The following IFIH1 variants were observed in gnomAD, a reference collection of about 807,000 sequenced individuals.
IFIH1 encodes the protein interferon-induced helicase C domain-containing protein 1.
IFIH1 carries 125 observed loss-of-function variants against 107.4 expected under a neutral mutation model. The observed-to-expected ratio is 1.16, with a 90% CI of 1.01 to 1.35. The LOEUF (loss-of-function observed/expected upper bound fraction) is 1.35. IFIH1 is among the 40% of genes most tolerant of loss of function. The probability of loss-of-function intolerance (pLI) is 0.00; values close to 1 mark genes in which losing one functional copy is unlikely to be tolerated. For missense variants in IFIH1, 1,333 were observed against 1,213.7 expected (o/e 1.10, Z -1.46); for synonymous variants, 458 against 413.2 (o/e 1.11, Z -1.31).
At chr2:162,270,686 C>T (rs908156825) in intron 13 of IFIH1, among the ~76,000 whole-genome samples, 5 of 151,996 alleles carry the variant, frequency 3.3e-5, no homozygotes, top group African/African-American at 1.2e-4. Flanking sequence ...AGTGTTGACC[C>T]CCAAAAAACT....
Position 162,280,034 on chromosome 2 carries a change from G to A in IFIH1, c.1603C>T (p.Pro535Ser), listed in dbSNP as rs764183171. 1.9e-6 allele frequency: 3 copies of A among 1,610,508 alleles called. No individual in the cohort carries two copies. The highest frequency in any genetic ancestry group is 2.5e-6 in the Non-Finnish European group (3 of 1,177,292). Residue 535 changes from proline (P) to serine (S), a missense_variant, in exon 8 of 16, where the codon CCA (proline) becomes TCA (serine). By Grantham distance (74) the Pro-to-Ser change is moderately conservative. Transcript: ENST00000649979. ...TCTGCAATGGCAAACTTCTTGCATG[G>A]CTCCTGTATTTGGTTTTTCAGTTGA... Reference protein sequence around the residue: ...LDQLKNQIQEPCKKFAIADAT... With the variant: ...LDQLKNQIQESCKKFAIADAT...
intron 3 of IFIH1, among the ~76,000 whole-genome samples, chr2:162,294,440 T>A (rs1683049729): frequency 6.6e-6 from 1 of 151,890 alleles, no homozygotes; most frequent in Admixed American, 6.6e-5. Context: ...CACAACCTCA[T>A]CCTCAAGCAC....
At chr2:162,300,108 T>C (rs1173728059) in intron 3 of IFIH1, among the ~76,000 whole-genome samples, 1 of 152,206 alleles carries the variant, frequency 6.6e-6, no homozygotes, top group Non-Finnish European at 1.5e-5. Flanking sequence ...ACAGTTTCTT[T>C]GTGGAGGCAT....
At chr2:162,312,766 G>A (rs1683403017) in intron 1 of IFIH1, among the ~76,000 whole-genome samples, 2 of 152,020 alleles carry the variant, frequency 1.3e-5, no homozygotes, top group Admixed American at 1.3e-4. Context: ...AATTTAACAA[G>A]TAATTGCTAT....
At chr2:162,279,939 A>G in intron 8 of IFIH1, 57 bp downstream of exon 8, 1 of 934,436 alleles carries the variant, frequency 1.1e-6, no homozygotes, top group Admixed American at 1.8e-5. Context: ...AGCCTTTGCC[A>G]TCTTTCTACT....
At chr2:162,283,901 C>A (rs887291954) in intron 5 of IFIH1, among the ~76,000 whole-genome samples, 1 of 151,402 alleles carries the variant, frequency 6.6e-6, no homozygotes, top group Non-Finnish European at 1.5e-5. Context: ...AATCAGTAAT[C>A]AAGTTGGTGA....
intron 3 of IFIH1, among the ~76,000 whole-genome samples, chr2:162,296,333 A>G (rs1683084543): frequency 6.6e-6 from 1 of 152,114 alleles, no homozygotes; most frequent in African/African-American, 2.4e-5. Flanking sequence ...TAACAAACCA[A>G]TCACCAATGT....
intron 5 of IFIH1, among the ~76,000 whole-genome samples, chr2:162,285,193 T>G (rs572369203): frequency 6.6e-6 from 1 of 151,946 alleles, no homozygotes; most frequent in Non-Finnish European, 1.5e-5. Context: ...TGGGGCTGCA[T>G]TGCAGCATCT....
chr2:162,267,087 A>G lies in IFIH1; in HGVS notation c.*113T>C, dbSNP rs938115898. ...TCTTAAAAAGAGTTCAATGCAGAGT[A>G]AAACAATCATTTTATTGATTCTTAT... On this transcript the variant is annotated 3_prime_UTR_variant, in exon 16 of 16. Transcript: ENST00000649979. The G allele has an allele frequency of 1.2e-6, 1 of 835,508 alleles. No homozygotes were observed. Among genetic ancestry groups the G allele is most frequent in the Admixed American group, 2.9e-5 (1 of 34,680 alleles). 51.8% of individuals were successfully genotyped at this position (835,508 alleles called of 1,614,324 possible).
chr2:162,314,484 C>CTTTCTTT (rs1553461384), intron 1 of IFIH1, among the ~76,000 whole-genome samples: 2 of 96,964 alleles, frequency 2.1e-5, no homozygotes, highest in East Asian at 5.4e-4. Flanking sequence ...TTCTTTCTTT[C>CTTTCTTT]TTTTTCTTTC....
intron 4 of IFIH1, among the ~76,000 whole-genome samples, chr2:162,292,338 C>T (rs907712747): frequency 1.3e-5 from 2 of 151,698 alleles, no homozygotes; most frequent in African/African-American, 4.8e-5. Flanking sequence ...GGCAAGAACT[C>T]AATAAACACT....
chr2:162,276,782 A>G lies in IFIH1; in HGVS notation c.2209T>C (p.Trp737Arg). The change falls in exon 11 of 16, where the codon TGG (tryptophan) becomes CGG (arginine). Residue 737 changes from tryptophan (W) to arginine (R), a missense_variant. Transcript: ENST00000649979. ...GCAAATTTTTCATTTTCAGTAATCCACTGGGAAAGCGCATATGCACTCTGT... is the reference window on the plus strand; with the variant it reads ...GCAAATTTTTCATTTTCAGTAATCCGCTGGGAAAGCGCATATGCACTCTGT... ...TRQSAYALSQWITENEKFAEV... is the reference protein window; with the variant it reads ...TRQSAYALSQRITENEKFAEV... The G allele has an allele frequency of 6.2e-7, 1 of 1,613,990 alleles. No homozygotes were observed. Among genetic ancestry groups the G allele is most frequent in the Non-Finnish European group, 8.5e-7 (1 of 1,179,926 alleles).
chr2:162,275,652 T>C (rs1691138160), intron 11 of IFIH1, among the ~76,000 whole-genome samples: 1 of 152,214 alleles, frequency 6.6e-6, no homozygotes, highest in Non-Finnish European at 1.5e-5. Context: ...ATTTGCTCCA[T>C]TGGCTTGAAT....
At chr2:162,308,008 A>G (rs1047430826) in intron 2 of IFIH1, among the ~76,000 whole-genome samples, 2 of 152,192 alleles carry the variant, frequency 1.3e-5, no homozygotes, top group South Asian at 2.1e-4. Flanking sequence ...GAACCTGGCC[A>G]AAGGTCACAC....
rs994829499 is a variant in IFIH1 at position 162,271,644 on chromosome 2, A to G, written c.2616+582T>C. Among the ~76,000 whole-genome samples, 92 of 152,196 alleles carry G rather than the reference A, an allele frequency of 6.0e-4. 5 individuals carry two copies. The highest frequency in any genetic ancestry group is 5.9e-5 in the Non-Finnish European group (4 of 68,030). On this transcript the variant is annotated intron_variant, in intron 13 of 15. Coordinates refer to ENST00000649979, the MANE Select transcript of IFIH1 (RefSeq NM_022168.4). ...AATTTCAAAAACTACTAAAAACAAG[A>G]AAGTATCCATCTAGTCAGTTGTTTC... is the stretch of plus-strand genomic sequence containing the variant.
intron 3 of IFIH1, among the ~76,000 whole-genome samples, chr2:162,297,563 A>G (rs1683114842): frequency 6.6e-6 from 1 of 152,156 alleles, no homozygotes; most frequent in African/African-American, 2.4e-5. Flanking sequence ...ATGAAACTCG[A>G]AGAGAAACAA....
intron 6 of IFIH1, among the ~76,000 whole-genome samples, 176 bp downstream of exon 6, chr2:162,282,190 G>A (rs1464947723): frequency 6.6e-6 from 1 of 151,746 alleles, no homozygotes; most frequent in East Asian, 1.9e-4. Flanking sequence ...AGAATAAAGT[G>A]GTCTAATTAA....
chr2:162,304,441 G>A (rs776319279), intron 3 of IFIH1, among the ~76,000 whole-genome samples: 91 of 152,122 alleles, frequency 6.0e-4, no homozygotes, highest in Non-Finnish European at 9.1e-4. Context: ...CAGCCTGGGC[G>A]ACAGAGAGAC....
chr2:162,271,911 A>G (rs1467299148), intron 13 of IFIH1, among the ~76,000 whole-genome samples: 2 of 152,170 alleles, frequency 1.3e-5, no homozygotes, highest in African/African-American at 4.8e-5. Context: ...TTACAAACAA[A>G]TTGGATCAAA....
Sources: allele counts gnomAD v4.1 joint callset (sites outside exome capture counted in the v4.1 genomes callset), GRCh38; gene constraint gnomAD v4.1.1; transcripts MANE v1.5; gene names NCBI Gene and HGNC (gene_info 2026-07-23, HGNC 2026-07-21).